The following NEK7 variants were observed in gnomAD, a reference collection of about 807,000 sequenced individuals.
The protein encoded by NEK7 is NIMA related kinase 7.
A neutral mutation model predicts 44.6 loss-of-function variants in NEK7; 18 were observed. The observed-to-expected ratio is 0.40, with a 90% CI of 0.28 to 0.60. NEK7 has a LOEUF of 0.60. Ranked by LOEUF, NEK7 falls within the 20% of genes least tolerant of loss-of-function variation. The pLI, the probability that NEK7 is intolerant of heterozygous loss-of-function variation, is 0.38. For missense variants in NEK7, 256 were observed against 366.5 expected (o/e 0.70, Z 2.46); for synonymous variants, 130 against 121.1 (o/e 1.07, Z -0.48).
Position 198,277,397 on chromosome 1 carries a change from G to C in NEK7, c.373-564G>C, listed in dbSNP as rs555727326. On this transcript the variant is annotated intron_variant, in intron 5 of 9. Coordinates refer to ENST00000367385, the MANE Select transcript of NEK7 (RefSeq NM_133494.3). ...ATTCCTGTAAGGTTTTTCTTCCATG[G>C]AGTTTAGTTTCATTCATTCAAAGCA... Among the ~76,000 whole-genome samples, 4 of 151,894 alleles carry C rather than the reference G, an allele frequency of 2.6e-5. No homozygotes were observed. The South Asian group carries it at 8.3e-4, about 31-fold the overall frequency.
chr1:198,321,062 C>T lies in NEK7; in HGVS notation c.*1540C>T, dbSNP rs1335998402. The T allele has an allele frequency of 1.3e-5, 2 of 152,184 alleles. No individual in the cohort carries two copies. The highest frequency in any genetic ancestry group is 4.8e-5 in the African/African-American group (2 of 41,450). 9.4% of individuals were successfully genotyped at this position (152,184 alleles called of 1,614,324 possible). ...AACCTTGGATGAATTATCCTGCCAA[C>T]GTGAAAACCTCATGTTCAAAGAACA... On this transcript the variant is annotated 3_prime_UTR_variant, in exon 10 of 10. Transcript: ENST00000367385.
At chr1:198,228,011 T>G (rs1666278869) in intron 1 of NEK7, among the ~76,000 whole-genome samples, 1 of 152,214 alleles carries the variant, frequency 6.6e-6, no homozygotes, top group Non-Finnish European at 1.5e-5. Context: ...GGTCTAACAT[T>G]TAAGTCTTTA....
chr1:198,209,148 A>G (rs114032165), intron 1 of NEK7, among the ~76,000 whole-genome samples: 3 of 126,212 alleles, frequency 2.4e-5, no homozygotes, highest in Admixed American at 8.8e-5. Context: ...ATGTGTATAT[A>G]TATACTTTTT....
At chr1:198,174,623 A>T (rs569668268) in intron 1 of NEK7, among the ~76,000 whole-genome samples, 1 of 152,340 alleles carries the variant, frequency 6.6e-6, no homozygotes, top group African/African-American at 2.4e-5. Context: ...TGCAGAGGAC[A>T]TCAGAAGACC....
intron 3 of NEK7, chr1:198,256,610 T>C: frequency 2.5e-6 from 3 of 1,180,476 alleles, no homozygotes; most frequent in Non-Finnish European, 3.5e-6. Flanking sequence ...ATTCCTCCAG[T>C]ATTTATTGGC....
At chr1:198,165,455 C>T (rs1664236828) in intron 1 of NEK7, among the ~76,000 whole-genome samples, 1 of 152,184 alleles carries the variant, frequency 6.6e-6, no homozygotes, top group African/African-American at 2.4e-5. Flanking sequence ...TGTCAGTAGG[C>T]ATGAAAACAA....
chr1:198,223,095 A>T (rs919921455), intron 1 of NEK7, among the ~76,000 whole-genome samples: 2 of 152,192 alleles, frequency 1.3e-5, no homozygotes, highest in African/African-American at 2.4e-5. Flanking sequence ...TGGGAGAGGC[A>T]GGCAGGAGAT....
At chr1:198,205,733 A>G (rs12025074) in intron 1 of NEK7, among the ~76,000 whole-genome samples, 51,028 of 151,664 alleles carry the variant, frequency 0.34, 9,810 homozygotes, top group East Asian at 0.8. Flanking sequence ...CCTTTTGCCT[A>G]TTTAATAATG....
At chr1:198,185,183 GCTGT>G (rs1276236194) in intron 1 of NEK7, among the ~76,000 whole-genome samples, 6 of 144,046 alleles carry the variant, frequency 4.2e-5, no homozygotes, top group Non-Finnish European at 4.5e-5. Flanking sequence ...AGTAGTACAT[GCTGT>G]CTATTTTTTT....
chr1:198,184,993 A>G (rs533066482), intron 1 of NEK7, among the ~76,000 whole-genome samples: 1 of 152,286 alleles, frequency 6.6e-6, no homozygotes, highest in African/African-American at 2.4e-5. Flanking sequence ...TAACCAAAAT[A>G]GAAAGATAGT....
At chr1:198,309,754 C>A (rs925617380) in intron 9 of NEK7, among the ~76,000 whole-genome samples, 1 of 152,148 alleles carries the variant, frequency 6.6e-6, no homozygotes, top group African/African-American at 2.4e-5. Flanking sequence ...TCATCCATAT[C>A]CCTACAAAGG....
At chr1:198,302,534 T>C (rs1473645670) in intron 9 of NEK7, among the ~76,000 whole-genome samples, 1 of 152,164 alleles carries the variant, frequency 6.6e-6, no homozygotes, top group Non-Finnish European at 1.5e-5. Flanking sequence ...CTTGATTTTC[T>C]GGAGTATTTA....
chr1:198,301,753 A>G (rs1654891516), intron 9 of NEK7, among the ~76,000 whole-genome samples: 1 of 152,220 alleles, frequency 6.6e-6, no homozygotes, highest in Non-Finnish European at 1.5e-5. Flanking sequence ...GCTTTGAGTG[A>G]AAAAGAAATT....
chr1:198,208,940 G>C (rs12239202), intron 1 of NEK7, among the ~76,000 whole-genome samples: 1 of 151,504 alleles, frequency 6.6e-6, no homozygotes, highest in Admixed American at 6.6e-5. Context: ...TGTTGGGTTC[G>C]CTTTTCTTGG....
At chr1:198,273,582 C>T (rs1201618628) in intron 5 of NEK7, among the ~76,000 whole-genome samples, 1 of 151,572 alleles carries the variant, frequency 6.6e-6, no homozygotes, top group Non-Finnish European at 1.5e-5. Context: ...AATTACAATG[C>T]TGTGTTTGAG....
Position 198,321,142 on chromosome 1 carries a change from C to G in NEK7, c.*1620C>G, listed in dbSNP as rs974432593. ...TTGTTTTTCATATGTGTTTTTCTTA[C>G]ACTCATTTGAATGCTTTCAAGCATT... On this transcript the variant is annotated 3_prime_UTR_variant, in exon 10 of 10. Coordinates refer to ENST00000367385, the MANE Select transcript of NEK7 (RefSeq NM_133494.3). 3.3e-5 allele frequency: 5 copies of G among 152,174 alleles called. No individual in the cohort carries two copies. The highest frequency in any genetic ancestry group is 1.2e-4 in the African/African-American group (5 of 41,436). The allele number at this position is 152,174 out of a possible 1,614,324, so 9.4% of individuals were successfully genotyped here. A position where few individuals can be genotyped will look rare whatever the true frequency, so the allele number is the denominator to read the frequency against.
intron 1 of NEK7, among the ~76,000 whole-genome samples, chr1:198,225,574 C>A (rs370527511): frequency 3.3e-5 from 5 of 152,008 alleles, no homozygotes; most frequent in Admixed American, 2.6e-4. Context: ...CCTAACAATA[C>A]CTCTCTCATA....
At chr1:198,166,961 C>G (rs1172440592) in intron 1 of NEK7, among the ~76,000 whole-genome samples, 1 of 152,164 alleles carries the variant, frequency 6.6e-6, no homozygotes, top group Non-Finnish European at 1.5e-5. Flanking sequence ...CATTAGTTTT[C>G]TGTAACTGCT....
rs906389451 is a variant in NEK7 at position 198,320,188 on chromosome 1, T to C, written c.*666T>C. The C allele has an allele frequency of 6.6e-6, 1 of 152,156 alleles. No homozygotes were observed. Among genetic ancestry groups the C allele is most frequent in the Non-Finnish European group, 1.5e-5 (1 of 68,010 alleles). The allele number at this position is 152,156 out of a possible 1,614,324, so 9.4% of individuals were successfully genotyped here. On this transcript the variant is annotated 3_prime_UTR_variant, in exon 10 of 10. Transcript: ENST00000367385. ...TTTTGTTTTAATATTTTTGATATTC[T>C]CTTTGCATTGAAATGGTATAAATGA...
Sources: allele counts gnomAD v4.1 joint callset (sites outside exome capture counted in the v4.1 genomes callset), GRCh38; gene constraint gnomAD v4.1.1; transcripts MANE v1.5; gene names NCBI Gene and HGNC (gene_info 2026-07-23, HGNC 2026-07-21).